ROCK2: variants seen among roughly 807,000 people sequenced by gnomAD.
The protein encoded by ROCK2 is rho-associated protein kinase 2.
In ROCK2, 61 loss-of-function variants were observed where a neutral mutation model predicts 195.1. The observed-to-expected ratio is 0.31, with a 90% CI of 0.25 to 0.39. The LOEUF (loss-of-function observed/expected upper bound fraction) is 0.39. Ranked by LOEUF, ROCK2 falls within the 10% of genes least tolerant of loss-of-function variation. ROCK2 has a pLI of 1.00. For missense variants in ROCK2, 1,109 were observed against 1,637.4 expected (o/e 0.68, Z 5.57); for synonymous variants, 504 against 545.5 (o/e 0.92, Z 1.06).
At chr2:11,194,676 C>CT (rs768303829) in intron 28 of ROCK2, among the ~76,000 whole-genome samples, 2 of 151,944 alleles carry the variant, frequency 1.3e-5, no homozygotes, top group African/African-American at 4.8e-5. Context: ...ATAAGTGGGT[C>CT]TTTTTTACTA....
At chr2:11,267,952 A>G (rs1335376342) in intron 3 of ROCK2, among the ~76,000 whole-genome samples, 2 of 151,422 alleles carry the variant, frequency 1.3e-5, no homozygotes, top group Non-Finnish European at 3.0e-5. Context: ...TGGCCCCAAT[A>G]TGCCTTTTAA....
At chr2:11,222,859 C>T (rs908909044) in intron 7 of ROCK2, among the ~76,000 whole-genome samples, 2 of 152,086 alleles carry the variant, frequency 1.3e-5, no homozygotes, top group African/African-American at 4.8e-5. Flanking sequence ...GGCATTAACT[C>T]GTTTTCAAAA....
chr2:11,181,631 C>CTTTTTTTTTTTTTT lies in ROCK2; in HGVS notation c.*1792_*1805dup, dbSNP rs397817126. ...TTTCCTTCATCGAAATATTAGATGA[C>CTTTTTTTTTTTTTT]TTTTTTTTTTTTTTTTTTTTGAGAC... On this transcript the variant is annotated 3_prime_UTR_variant, in exon 33 of 33. Coordinates refer to ENST00000315872, the MANE Select transcript of ROCK2 (RefSeq NM_004850.5). 7.7e-6 allele frequency: 1 copy of CTTTTTTTTTTTTTT among 130,114 alleles called. No individual in the cohort carries two copies. Among genetic ancestry groups the CTTTTTTTTTTTTTT allele is most frequent in the Non-Finnish European group, 1.6e-5 (1 of 61,468 alleles). 8.1% of individuals were successfully genotyped at this position (130,114 alleles called of 1,614,324 possible).
rs1156983946 is a variant in ROCK2 at position 11,317,576 on chromosome 2, TTATATATATA to T, written c.141+26410_141+26419del. 1.9e-3 allele frequency among the ~76,000 whole-genome samples: 56 copies of T among 29,586 alleles called. 3 individuals carry two copies. Among genetic ancestry groups the T allele is most frequent in the African/African-American group, 8.4e-3 (54 of 6,438 alleles). The allele number at this position is 29,586 out of a possible 152,430, so 19.4% of individuals were successfully genotyped here. ...TTTAAAGCCGCCCTGATCTACACAT[TTATATATATA>T]TATATATATATATATATATATATAT... On this transcript the variant is annotated intron_variant, in intron 1 of 32. Coordinates refer to ENST00000315872, the MANE Select transcript of ROCK2 (RefSeq NM_004850.5).
intron 10 of ROCK2, 83 bp downstream of exon 10, chr2:11,218,883 A>G: frequency 5.4e-6 from 4 of 747,456 alleles, no homozygotes; most frequent in Non-Finnish European, 8.7e-6. Context: ...GGAGCATCAA[A>G]TTAGCTTTTT....
At chr2:11,311,074 A>C (rs905122380) in intron 1 of ROCK2, among the ~76,000 whole-genome samples, 6 of 151,824 alleles carry the variant, frequency 4.0e-5, no homozygotes, top group Non-Finnish European at 5.9e-5. Context: ...TCAGCATGAG[A>C]GTAATTATAA....
chr2:11,312,685 T>A (rs1056508690), intron 1 of ROCK2, among the ~76,000 whole-genome samples: 4 of 152,076 alleles, frequency 2.6e-5, no homozygotes, highest in Non-Finnish European at 5.9e-5. Context: ...AAAACCTGTA[T>A]ACAAATGTTT....
chr2:11,314,837 G>T (rs576222269), intron 1 of ROCK2, among the ~76,000 whole-genome samples: 1 of 152,000 alleles, frequency 6.6e-6, no homozygotes, highest in East Asian at 1.9e-4. Context: ...CCTGTGAAAA[G>T]AGCTGCAAAA....
Position 11,194,303 on chromosome 2 carries a change from A to G in ROCK2, c.3561T>C (p.Ser1187=). The stretch of plus-strand genomic sequence containing the variant: ...GATTGGATTGTTCTTTATCTTGTTC[A>G]CTGTCATAGAAAAGAATCTTCTTAC... ...VSSKKILFYD[S]EQDKEQSNPY... is the part of the protein sequence containing the mutation. Residue 1187 remains serine, a synonymous_variant, in exon 29 of 33, where the codon AGT becomes AGC. Coordinates refer to ENST00000315872, the MANE Select transcript of ROCK2 (RefSeq NM_004850.5). 6.8e-7 allele frequency: 1 copy of G among 1,478,750 alleles called. No homozygotes were observed. Among genetic ancestry groups the G allele is most frequent in the Non-Finnish European group, 9.2e-7 (1 of 1,089,868 alleles). The allele number at this position is 1,478,750 out of a possible 1,614,324, so 91.6% of individuals were successfully genotyped here. A position where few individuals can be genotyped will look rare whatever the true frequency, so the allele number is the denominator to read the frequency against.
chr2:11,208,238 C>CTAACT (rs141148984), intron 19 of ROCK2, 49 bp downstream of exon 19: 567,784 of 1,097,378 alleles, frequency 0.52, 151,303 homozygotes, highest in Admixed American at 0.55. Flanking sequence ...ATGAATAAAC[C>CTAACT]TATTAATTCA....
At chr2:11,233,084 T>C (rs1665076358) in intron 5 of ROCK2, among the ~76,000 whole-genome samples, 1 of 151,846 alleles carries the variant, frequency 6.6e-6, no homozygotes, top group African/African-American at 2.4e-5. Context: ...CATGGTGGTG[T>C]ACGCCTGTTG....
At chr2:11,318,012 T>C (rs1668279812) in intron 1 of ROCK2, among the ~76,000 whole-genome samples, 1 of 152,144 alleles carries the variant, frequency 6.6e-6, no homozygotes, top group African/African-American at 2.4e-5. Flanking sequence ...CAGTCTATCA[T>C]TGTTGGACAT....
intron 6 of ROCK2, among the ~76,000 whole-genome samples, chr2:11,225,146 G>A (rs1664769527): frequency 6.6e-6 from 1 of 152,106 alleles, no homozygotes; most frequent in African/African-American, 2.4e-5. Flanking sequence ...AGTTGAAAGA[G>A]GGAAGAAATG....
chr2:11,345,086 C>G (rs1307457134), upstream of ROCK2, among the ~76,000 whole-genome samples: 1 of 152,064 alleles, frequency 6.6e-6, no homozygotes, highest in Non-Finnish European at 1.5e-5. Flanking sequence ...CTCGCCTCAC[C>G]CGCGCCCAAA....
At chr2:11,207,305 G>C (rs1664087443) in intron 20 of ROCK2, among the ~76,000 whole-genome samples, 1 of 152,100 alleles carries the variant, frequency 6.6e-6, no homozygotes, top group Non-Finnish European at 1.5e-5. Flanking sequence ...AGTAAATCAA[G>C]TAGACACTAG....
intron 19 of ROCK2, 132 bp downstream of exon 19, chr2:11,208,155 A>G (rs1356581361): frequency 3.8e-5 from 19 of 494,838 alleles, no homozygotes; most frequent in Non-Finnish European, 6.0e-5. Flanking sequence ...TATCATCAAA[A>G]TTTAGTTAAA....
chr2:11,214,308 G>A (rs758080788), intron 17 of ROCK2, 49 bp downstream of exon 17: 1 of 1,050,420 alleles, frequency 9.5e-7, no homozygotes, highest in Non-Finnish European at 1.4e-6. Flanking sequence ...TTTCTAACCT[G>A]AAAGTCTACT....
At chr2:11,227,221 A>G (rs1664846069) in intron 6 of ROCK2, 33 bp downstream of exon 6, 1 of 1,572,774 alleles carries the variant, frequency 6.4e-7, no homozygotes, top group Admixed American at 1.8e-5. Flanking sequence ...TATAAGAAGC[A>G]TTTTGAAAAA....
At chr2:11,330,407 G>C (rs565534371) in intron 1 of ROCK2, among the ~76,000 whole-genome samples, 231 of 151,996 alleles carry the variant, frequency 1.5e-3, no homozygotes, top group African/African-American at 5.3e-3. Flanking sequence ...AAACAACAAA[G>C]TTATCTGAAA....
Sources: allele counts gnomAD v4.1 joint callset (sites outside exome capture counted in the v4.1 genomes callset), GRCh38; gene constraint gnomAD v4.1.1; transcripts MANE v1.5; gene names NCBI Gene and HGNC (gene_info 2026-07-23, HGNC 2026-07-21).